The following KBTBD12 variants were observed in gnomAD, a reference collection of about 807,000 sequenced individuals.
KBTBD12 encodes kelch repeat and BTB domain containing 12.
KBTBD12 carries 53 observed loss-of-function variants against 58.7 expected under a neutral mutation model. The ratio of observed to expected loss-of-function variants is 0.90; its 90% CI spans 0.72 to 1.14. The LOEUF (loss-of-function observed/expected upper bound fraction) is 1.14, where lower values mean the gene tolerates loss of function less well. KBTBD12 is among the 50% of genes most tolerant of loss of function. The pLI, the probability that KBTBD12 is intolerant of heterozygous loss-of-function variation, is 0.00. For synonymous variants in KBTBD12, 236 were observed against 259.8 expected (o/e 0.91, Z 0.88); for missense variants, 704 against 751.3 (o/e 0.94, Z 0.74).
chr3:127,931,351 C>T (rs1939696496), intron 4 of KBTBD12, among the ~76,000 whole-genome samples: 1 of 152,038 alleles, frequency 6.6e-6, no homozygotes, highest in South Asian at 2.1e-4. Flanking sequence ...ATGACTACCT[C>T]AGTTATGAGA....
chr3:127,942,690 CTATATATATAACTATATATA>C (rs908625764), intron 4 of KBTBD12, among the ~76,000 whole-genome samples: 27 of 144,992 alleles, frequency 1.9e-4, no homozygotes, highest in African/African-American at 2.0e-4. Flanking sequence ...CTATATATAA[CTATATATATAACTATATATA>C]TATATATATA....
chr3:127,961,625 G>A (rs1036521331), intron 4 of KBTBD12, among the ~76,000 whole-genome samples: 7 of 152,182 alleles, frequency 4.6e-5, no homozygotes, highest in Non-Finnish European at 7.3e-5. Context: ...TGTGTGGCAG[G>A]CCCTGTGATA....
At chr3:127,970,019 C>G (rs148415539) in intron 5 of KBTBD12, among the ~76,000 whole-genome samples, 1 of 152,070 alleles carries the variant, frequency 6.6e-6, no homozygotes. Flanking sequence ...AGACAACCCA[C>G]AGGATGAGAG....
intron 3 of KBTBD12, 42 bp from the exon 4 acceptor site, chr3:127,930,091 C>A (rs1939667344): frequency 6.5e-7 from 1 of 1,528,200 alleles, no homozygotes; most frequent in Non-Finnish European, 8.9e-7. Context: ...ACAAAGATTG[C>A]TAAATGATAT....
intron 2 of KBTBD12, 91 bp downstream of exon 2, chr3:127,924,222 A>T (rs1939510301): frequency 1.3e-6 from 1 of 763,354 alleles, no homozygotes; most frequent in South Asian, 1.8e-5. Context: ...CACATCTTAA[A>T]TTATTTGTAG....
chr3:127,981,708 G>A (rs928373286), intron 5 of KBTBD12, among the ~76,000 whole-genome samples: 9 of 152,208 alleles, frequency 5.9e-5, no homozygotes, highest in Admixed American at 6.5e-5. Context: ...TTGGGAGGCT[G>A]AGGAGGGCAG....
chr3:127,965,013 T>C (rs556024201), intron 5 of KBTBD12, among the ~76,000 whole-genome samples: 2 of 152,330 alleles, frequency 1.3e-5, no homozygotes, highest in East Asian at 3.9e-4. Flanking sequence ...GCCCTGGTGC[T>C]GTGCCCACTC....
At chr3:127,974,987 A>C (rs1940755883) in intron 5 of KBTBD12, among the ~76,000 whole-genome samples, 1 of 152,186 alleles carries the variant, frequency 6.6e-6, no homozygotes, top group Non-Finnish European at 1.5e-5. Flanking sequence ...TAAATAAATA[A>C]ATAAATCATC....
At chr3:127,931,906 G>A (rs760996391) in intron 4 of KBTBD12, among the ~76,000 whole-genome samples, 13 of 152,046 alleles carry the variant, frequency 8.6e-5, no homozygotes, top group Admixed American at 3.3e-4. Context: ...GAGTCCACCA[G>A]GGACAGGGAG....
At chr3:127,919,560 T>A (rs909409487) in intron 1 of KBTBD12, among the ~76,000 whole-genome samples, 17 of 152,228 alleles carry the variant, frequency 1.1e-4, no homozygotes, top group Non-Finnish European at 2.5e-4. Context: ...CTTTTCCCAC[T>A]GAAGCAGGAT....
chr3:127,935,977 A>G (rs936574033), intron 4 of KBTBD12, among the ~76,000 whole-genome samples: 10 of 152,198 alleles, frequency 6.6e-5, no homozygotes, highest in African/African-American at 2.4e-4. Context: ...AAACAGGAAA[A>G]TTTCATGATA....
chr3:127,959,104 G>A (rs1482137600), intron 4 of KBTBD12, among the ~76,000 whole-genome samples: 2 of 152,116 alleles, frequency 1.3e-5, no homozygotes, highest in Admixed American at 6.5e-5. Context: ...ATTCTGATAC[G>A]AGGTTGGAAA....
intron 5 of KBTBD12, among the ~76,000 whole-genome samples, chr3:127,969,536 A>G (rs1327480760): frequency 1.3e-5 from 2 of 152,224 alleles, no homozygotes; most frequent in African/African-American, 4.8e-5. Context: ...AACAAAGATG[A>G]AAGACCCACA....
intron 4 of KBTBD12, among the ~76,000 whole-genome samples, chr3:127,934,310 T>G (rs1421759345): frequency 1.3e-5 from 2 of 152,014 alleles, no homozygotes; most frequent in Non-Finnish European, 2.9e-5. Flanking sequence ...ATAAACCAAA[T>G]AAAAATGCCC....
At chr3:127,941,619 C>G (rs1043948509) in intron 4 of KBTBD12, among the ~76,000 whole-genome samples, 4 of 152,172 alleles carry the variant, frequency 2.6e-5, no homozygotes, top group Non-Finnish European at 5.9e-5. Flanking sequence ...TGGAGTCTCA[C>G]TCTGTTGCCT....
chr3:127,916,549 G>A (rs1319436011), intron 1 of KBTBD12, among the ~76,000 whole-genome samples: 1 of 152,130 alleles, frequency 6.6e-6, no homozygotes, highest in African/African-American at 2.4e-5. Context: ...AGATGTGCCA[G>A]CTGAGAGGTG....
intron 5 of KBTBD12, among the ~76,000 whole-genome samples, chr3:127,978,456 A>AT (rs1433721621): frequency 6.6e-6 from 1 of 151,962 alleles, no homozygotes; most frequent in Non-Finnish European, 1.5e-5. Flanking sequence ...TAATTGTCTC[A>AT]TTTTTTTCCC....
At chr3:127,948,982 C>T (rs1559768037) in intron 4 of KBTBD12, among the ~76,000 whole-genome samples, 2 of 152,302 alleles carry the variant, frequency 1.3e-5, no homozygotes, top group South Asian at 4.1e-4. Context: ...ATAAATATTT[C>T]TGACAGAACA....
At chr3:127,925,806 A>G (rs959634231) in intron 2 of KBTBD12, among the ~76,000 whole-genome samples, 6 of 152,192 alleles carry the variant, frequency 3.9e-5, no homozygotes, top group Admixed American at 1.3e-4. Context: ...CTGTGTAGTT[A>G]AAATCTCCTA....
Sources: allele counts gnomAD v4.1 joint callset (sites outside exome capture counted in the v4.1 genomes callset), GRCh38; gene constraint gnomAD v4.1.1; transcripts MANE v1.5; gene names NCBI Gene and HGNC (gene_info 2026-07-23, HGNC 2026-07-21).